The following ZNF514 variants were observed in gnomAD, a reference collection of about 807,000 sequenced individuals.
ZNF514 encodes zinc finger protein 514.
Under a neutral mutation model 9.7 loss-of-function variants are expected in ZNF514, and 12 were observed. The observed-to-expected ratio is 1.24, with a 90% CI of 0.79 to 2.01. The LOEUF (loss-of-function observed/expected upper bound fraction) is 2.01. ZNF514 is among the 30% of genes most tolerant of loss of function. The pLI, the probability that ZNF514 is intolerant of heterozygous loss-of-function variation, is 0.00. For missense variants in ZNF514, 467 were observed against 465.5 expected (o/e 1.00, Z -0.03); for synonymous variants, 158 against 163.7 (o/e 0.97, Z 0.27).
Position 95,147,843 on chromosome 2 carries a change from G to A in ZNF514, c.*1439C>T, listed in dbSNP as rs1362381336. On this transcript the variant is annotated 3_prime_UTR_variant, in exon 5 of 5. Coordinates refer to ENST00000295208, the MANE Select transcript of ZNF514 (RefSeq NM_032788.3). ...TTTAGGAGAGACAGGGTTTCACTGT[G>A]TTAGCCAGGATGGTCTCGAACTCCT... 4 of 152,142 alleles carry A rather than the reference G, an allele frequency of 2.6e-5. No individual in the cohort carries two copies. Among genetic ancestry groups the A allele is most frequent in the Non-Finnish European group, 5.9e-5 (4 of 68,044 alleles). 9.4% of individuals were successfully genotyped at this position (152,142 alleles called of 1,614,324 possible).
rs1203402798 is a variant in ZNF514, at chr2:95,152,908, C to T, written c.122-139G>A. 3 of 952,108 alleles carry T rather than the reference C, an allele frequency of 3.2e-6. No homozygotes were observed. In the East Asian group the frequency reaches 7.2e-5, roughly 23 times the overall value. The allele number at this position is 952,108 out of a possible 1,614,324, so 59.0% of individuals were successfully genotyped here. A position where few individuals can be genotyped will look rare whatever the true frequency, so the allele number is the denominator to read the frequency against. ...GCATTGTGAAAAGTTAGGAACACAG[C>T]CAGGTAACTTCCTATTTCAACTCCA... On this transcript the variant is annotated intron_variant, in intron 3 of 4. Coordinates refer to ENST00000295208, the MANE Select transcript of ZNF514 (RefSeq NM_032788.3).
chr2:95,128,455 C>A, the ZNF514 span, among the ~76,000 whole-genome samples: 1 of 150,886 alleles, frequency 6.6e-6, no homozygotes, highest in African/African-American at 2.4e-5. Flanking sequence ...TACTTGAGAG[C>A]TGAGGCAGGA....
At chr2:95,140,197 G>A (rs1676804999), downstream of ZNF514, among the ~76,000 whole-genome samples, 1 of 152,158 alleles carries the variant, frequency 6.6e-6, no homozygotes, top group Non-Finnish European at 1.5e-5. Flanking sequence ...ACGAGTTGAT[G>A]GGTGCAGCAA....
At chr2:95,134,826 A>G in the ZNF514 span, among the ~76,000 whole-genome samples, 1 of 152,226 alleles carries the variant, frequency 6.6e-6, no homozygotes, top group Non-Finnish European at 1.5e-5. Context: ...CAGGTGTCCC[A>G]GCACCATTTG....
chr2:95,130,699 A>C, the ZNF514 span, among the ~76,000 whole-genome samples: 2 of 152,220 alleles, frequency 1.3e-5, no homozygotes, highest in Non-Finnish European at 2.9e-5. Flanking sequence ...GTTTAAGGTT[A>C]TCTCTCTTAT....
At chr2:95,123,298 A>T in the ZNF514 span, among the ~76,000 whole-genome samples, 4 of 152,078 alleles carry the variant, frequency 2.6e-5, no homozygotes, top group Admixed American at 2.6e-4. Flanking sequence ...TGTTTCCTAG[A>T]CCTCTTTGTC....
At chr2:95,155,751 C>A (rs1346289128) in intron 2 of ZNF514, 1 of 152,240 alleles carries the variant, frequency 6.6e-6, no homozygotes, top group African/African-American at 2.4e-5. Flanking sequence ...GAAGCTAATA[C>A]TTCCCACTTC....
intron 1 of ZNF514, among the ~76,000 whole-genome samples, chr2:95,158,376 G>C (rs1420885481): frequency 6.6e-6 from 1 of 152,212 alleles, no homozygotes; most frequent in East Asian, 1.9e-4. Flanking sequence ...AGGATGAACA[G>C]TCGGATTAAA....
the ZNF514 span, among the ~76,000 whole-genome samples, chr2:95,134,195 T>C: frequency 2.0e-5 from 3 of 152,164 alleles, no homozygotes; most frequent in Non-Finnish European, 4.4e-5. Flanking sequence ...TTTACAAAGG[T>C]TCTTTCTGGT....
In ZNF514 at chr2:95,149,495, T is replaced by C. The variant is rs1327978539; in HGVS notation, c.990A>G (p.Ser330=). 1 of 1,613,290 alleles carries C rather than the reference T, an allele frequency of 6.2e-7. No individual in the cohort carries two copies. The highest frequency in any genetic ancestry group is 2.2e-5 in the East Asian group (1 of 44,850). ...ECGRTFSQSS[S]LIVHYRFHTG... ...TATGAAATCTGTAATGCACAATGAG[T>C]GATGAGCTCTGGCTGAAGGTTCTCC... is the stretch of plus-strand genomic sequence containing the variant. The change falls in exon 5 of 5, where the codon TCA becomes TCG. Residue 330 remains serine (S), a synonymous_variant. Transcript: ENST00000295208.
At chr2:95,142,359 G>T (rs1308649922), downstream of ZNF514, among the ~76,000 whole-genome samples, 1 of 152,130 alleles carries the variant, frequency 6.6e-6, no homozygotes, top group Non-Finnish European at 1.5e-5. Context: ...CCCAGAAAAA[G>T]AACCAATTAT....
In ZNF514 at chr2:95,148,619, T is replaced by C. The variant is rs1263995036; in HGVS notation, c.*663A>G. 3 of 152,262 alleles carry C rather than the reference T, an allele frequency of 2.0e-5. No individual in the cohort carries two copies. Among genetic ancestry groups the C allele is most frequent in the African/African-American group, 7.2e-5 (3 of 41,470 alleles). The allele number at this position is 152,262 out of a possible 1,614,324, so 9.4% of individuals were successfully genotyped here. ...TTTGGTGGAACATCCACCAAAGCCC[T>C]TCCCACATTCATCACGTCACCAGAG... is the stretch of plus-strand genomic sequence containing the variant. On this transcript the variant is annotated 3_prime_UTR_variant, in exon 5 of 5. Coordinates refer to ENST00000295208, the MANE Select transcript of ZNF514 (RefSeq NM_032788.3).
At chr2:95,142,454 G>T (rs1478719932), downstream of ZNF514, among the ~76,000 whole-genome samples, 1 of 152,166 alleles carries the variant, frequency 6.6e-6, no homozygotes, top group Non-Finnish European at 1.5e-5. Context: ...CTTATCACCT[G>T]GAAGAGACAT....
chr2:95,157,396 T>C lies in ZNF514; in HGVS notation c.-52A>G, dbSNP rs1326538083. On this transcript the variant is annotated 5_prime_UTR_variant, in exon 2 of 5. Transcript: ENST00000295208. Reference sequence around the variant, plus strand: ...ATGAATTGGTTGTTCCCTCTTCTCCTGGGAATCTCTCTGGAGGAAGAGCAG... The same window carrying C: ...ATGAATTGGTTGTTCCCTCTTCTCCCGGGAATCTCTCTGGAGGAAGAGCAG... The C allele has an allele frequency of 7.8e-7, 1 of 1,289,554 alleles. No homozygotes were observed. The highest frequency in any genetic ancestry group is 1.0e-6 in the Non-Finnish European group (1 of 988,792). 79.9% of individuals were successfully genotyped at this position (1,289,554 alleles called of 1,614,324 possible).
chr2:95,125,580 A>G, the ZNF514 span, among the ~76,000 whole-genome samples: 1 of 152,220 alleles, frequency 6.6e-6, no homozygotes, highest in African/African-American at 2.4e-5. Context: ...GGCATTAAGT[A>G]CATTCACGTT....
intron 1 of ZNF514, among the ~76,000 whole-genome samples, chr2:95,158,163 C>T (rs1323409883): frequency 6.6e-6 from 1 of 152,064 alleles, no homozygotes; most frequent in Non-Finnish European, 1.5e-5. Flanking sequence ...TAAACTCTGG[C>T]TCAAGACTTG....
chr2:95,134,823 C>A, the ZNF514 span, among the ~76,000 whole-genome samples: 1 of 152,150 alleles, frequency 6.6e-6, no homozygotes, highest in African/African-American at 2.4e-5. Flanking sequence ...GTACAGGTGT[C>A]CCAGCACCAT....
chr2:95,153,367 C>T (rs995924452), intron 2 of ZNF514, 108 bp from the exon 3 acceptor site: 6 of 1,143,256 alleles, frequency 5.2e-6, no homozygotes, highest in Admixed American at 5.0e-5. Context: ...AGACATTCTT[C>T]TCAGGTGGAG....
chr2:95,159,380 G>A lies in ZNF514; in HGVS notation c.-236C>T, dbSNP rs1486441791. 6.1e-5 allele frequency: 10 copies of A among 163,546 alleles called. No individual in the cohort carries two copies. In the East Asian group the frequency reaches 1.5e-3, roughly 24 times the overall value. 10.1% of individuals were successfully genotyped at this position (163,546 alleles called of 1,614,324 possible). On this transcript the variant is annotated 5_prime_UTR_variant, in exon 1 of 5. Coordinates refer to ENST00000295208, the MANE Select transcript of ZNF514 (RefSeq NM_032788.3). ...AGGGCCCAGCGCTCTTCAGCTGCCC[G>A]GAAACAGCAGGGATTCGGTGAGAGC...
Sources: gnomAD v4.1 joint callset for allele counts (sites outside exome capture counted in the v4.1 genomes callset) on GRCh38, gnomAD v4.1.1 for gene constraint, MANE v1.5 for transcripts, NCBI Gene and HGNC (gene_info 2026-07-23, HGNC 2026-07-21) for gene names.